Variants in DZIP3 observed in about 807,000 individuals in gnomAD.
DZIP3 encodes DAZ interacting zinc finger protein 3.
A neutral mutation model predicts 162.0 loss-of-function variants in DZIP3; 118 were observed. The ratio of observed to expected loss-of-function variants is 0.73; its 90% CI spans 0.63 to 0.85. DZIP3 has a LOEUF of 0.85. Among genes scored for constraint, DZIP3 ranks in the 40% least tolerant of loss-of-function variants. The probability of loss-of-function intolerance (pLI) is 0.00; values close to 1 mark genes in which losing one functional copy is unlikely to be tolerated. For missense variants in DZIP3, 1,331 were observed against 1,407.0 expected (o/e 0.95, Z 0.86); for synonymous variants, 438 against 458.6 (o/e 0.96, Z 0.57).
chr3:108,611,972 A>AG (rs547982777), intron 4 of DZIP3, among the ~76,000 whole-genome samples: 224 of 151,862 alleles, frequency 1.5e-3, no homozygotes, highest in African/African-American at 5.1e-3. Context: ...TCAAAAAAAA[A>AG]AAAAGTTGAC....
intron 26 of DZIP3, among the ~76,000 whole-genome samples, chr3:108,682,913 G>A (rs1408376183): frequency 1.3e-5 from 2 of 150,656 alleles, no homozygotes; most frequent in African/African-American, 5.0e-5. Context: ...TAAAAATAAA[G>A]TGTTAGGTAA....
chr3:108,622,950 G>A (rs1432619687), intron 5 of DZIP3, among the ~76,000 whole-genome samples: 1 of 149,238 alleles, frequency 6.7e-6, no homozygotes, highest in East Asian at 2.0e-4. Flanking sequence ...TTGTGGCCAC[G>A]ACCACTGAGA....
chr3:108,656,064 G>A (rs1173054446), intron 19 of DZIP3, among the ~76,000 whole-genome samples: 1 of 152,192 alleles, frequency 6.6e-6, no homozygotes, highest in Admixed American at 6.5e-5. Context: ...CTCCACCTCT[G>A]GGGGCAGGGC....
chr3:108,603,301 A>G (rs1472508689), intron 1 of DZIP3: 4 of 152,226 alleles, frequency 2.6e-5, no homozygotes, highest in Non-Finnish European at 4.4e-5. Context: ...TAGAAACCAT[A>G]AAAGTAGTTT....
intron 15 of DZIP3, among the ~76,000 whole-genome samples, chr3:108,647,181 A>C (rs1474371041): frequency 3.3e-5 from 5 of 152,184 alleles, no homozygotes; most frequent in Non-Finnish European, 1.5e-5. Context: ...TTACTCACAA[A>C]AACTTCAGCA....
At chr3:108,637,702 C>CT (rs1380537663) in intron 12 of DZIP3, among the ~76,000 whole-genome samples, 154 bp downstream of exon 12, 10 of 152,166 alleles carry the variant, frequency 6.6e-5, no homozygotes, top group Non-Finnish European at 1.3e-4. Flanking sequence ...CTTTCCCTCT[C>CT]TATCACCACT....
intron 26 of DZIP3, among the ~76,000 whole-genome samples, chr3:108,679,451 C>G (rs1576463713): frequency 2.0e-5 from 3 of 152,156 alleles, no homozygotes; most frequent in Admixed American, 2.0e-4. Context: ...TATAAGCATC[C>G]TTTGCTAACA....
In DZIP3 at chr3:108,661,925, A is replaced by G. The variant is rs1208580751; in HGVS notation, c.2248A>G (p.Arg750Gly). Residue 750 changes from arginine (R) to glycine (G), a missense_variant, in exon 20 of 33, where the codon AGG becomes GGG. By Grantham distance (125) the Arg-to-Gly change is moderately radical. This residue lies in a region of DZIP3 where 1,278 missense variants were observed against 1,317.1 expected (regional missense o/e 0.97). Coordinates refer to ENST00000361582, the MANE Select transcript of DZIP3 (RefSeq NM_014648.4). ...AGACTATGGAGAAACTGAAAAGGAA[A>G]GGCTTGCTCGTCAAAGGCAGCTTTA... ...TTDYGETEKE[R>G]LARQRQLYKL... The G allele has an allele frequency of 1.2e-6, 2 of 1,614,056 alleles. No homozygotes were observed. Among genetic ancestry groups the G allele is most frequent in the Non-Finnish European group, 1.7e-6 (2 of 1,179,958 alleles).
At position 108,677,481 on chromosome 3, in the gene DZIP3, A is replaced by G; in HGVS notation, c.2782-16A>G. ...GTTGGTTGTTCTCTAAAGTATTTTTAGTCTTCTTCTACCAGACACAGTACA... is the reference window on the plus strand; with the variant it reads ...GTTGGTTGTTCTCTAAAGTATTTTTGGTCTTCTTCTACCAGACACAGTACA... On this transcript the variant is annotated splice_polypyrimidine_tract_variant and intron_variant, in intron 25 of 32. Coordinates refer to ENST00000361582, the MANE Select transcript of DZIP3 (RefSeq NM_014648.4). The G allele has an allele frequency of 6.2e-7, 1 of 1,606,832 alleles. No homozygotes were observed. The highest frequency in any genetic ancestry group is 8.5e-7 in the Non-Finnish European group (1 of 1,174,214).
chr3:108,655,168 C>A (rs1012912608), intron 19 of DZIP3, among the ~76,000 whole-genome samples: 1 of 152,174 alleles, frequency 6.6e-6, no homozygotes, highest in African/African-American at 2.4e-5. Flanking sequence ...TAAAATGACA[C>A]ATACCTTTAA....
At chr3:108,670,373 T>C (rs1453548976) in intron 22 of DZIP3, among the ~76,000 whole-genome samples, 2 of 151,938 alleles carry the variant, frequency 1.3e-5, no homozygotes, top group African/African-American at 4.8e-5. Flanking sequence ...GGACATTTCA[T>C]ATAAATTGGA....
At chr3:108,626,220 C>T (rs1559737461) in intron 7 of DZIP3, among the ~76,000 whole-genome samples, 1 of 152,150 alleles carries the variant, frequency 6.6e-6, no homozygotes, top group African/African-American at 2.4e-5. Context: ...GTCTGATAGA[C>T]CCGGGTTCAG....
chr3:108,682,050 A>C (rs1320770393), intron 26 of DZIP3, among the ~76,000 whole-genome samples: 1 of 150,664 alleles, frequency 6.6e-6, no homozygotes, highest in Non-Finnish European at 1.5e-5. Flanking sequence ...TACATTCTGT[A>C]CATGTATCCC....
intron 26 of DZIP3, among the ~76,000 whole-genome samples, chr3:108,681,710 GA>G (rs2107399199): frequency 6.6e-6 from 1 of 152,136 alleles, no homozygotes; most frequent in East Asian, 1.9e-4. Flanking sequence ...ACTGGATAAA[GA>G]AAATGTGGCA....
At chr3:108,637,436 C>T in intron 11 of DZIP3, 60 bp from the exon 12 acceptor site, 1 of 1,429,304 alleles carries the variant, frequency 7.0e-7, no homozygotes, top group Non-Finnish European at 9.8e-7. Flanking sequence ...TAAGAAATAA[C>T]ATTAAACATT....
intron 15 of DZIP3, 39 bp from the exon 16 acceptor site, chr3:108,647,904 T>C: frequency 1.4e-6 from 2 of 1,440,214 alleles, no homozygotes; most frequent in Non-Finnish European, 1.8e-6. Context: ...CTGAAATTGC[T>C]TTCATCTAGA....
At chr3:108,608,964 T>C (rs1290434920) in intron 3 of DZIP3, among the ~76,000 whole-genome samples, 2 of 151,978 alleles carry the variant, frequency 1.3e-5, no homozygotes, top group African/African-American at 2.4e-5. Flanking sequence ...CTTAGAGTCA[T>C]GGGGGAAGGC....
At position 108,686,471 on chromosome 3, in the gene DZIP3, A is replaced by G. The variant is rs1944502616; in HGVS notation, c.3036A>G (p.Pro1012=). ...TGACTGGCATAGCCTGGGCTCTGCC[A>G]GCGCCTGTGGGAGACGCTGTGCCTC... ...PLMTGIAWAL[P]APVGDAVPPS... Residue 1012 remains proline, a synonymous_variant, in exon 28 of 33, where the codon CCA becomes CCG. Coordinates refer to ENST00000361582, the MANE Select transcript of DZIP3 (RefSeq NM_014648.4). 3.1e-6 allele frequency: 5 copies of G among 1,606,964 alleles called. No individual in the cohort carries two copies. Among genetic ancestry groups the G allele is most frequent in the African/African-American group, 1.3e-5 (1 of 74,598 alleles).
intron 2 of DZIP3, among the ~76,000 whole-genome samples, chr3:108,607,126 C>A (rs1940423748): frequency 6.6e-6 from 1 of 152,080 alleles, no homozygotes; most frequent in African/African-American, 2.4e-5. Context: ...TTTCTTTTTA[C>A]CGTGGCACCT....
Sources: allele counts gnomAD v4.1 joint callset (sites outside exome capture counted in the v4.1 genomes callset), GRCh38; gene constraint gnomAD v4.1.1; regional missense constraint gnomAD v4.1.1; transcripts MANE v1.5; gene names NCBI Gene and HGNC (gene_info 2026-07-23, HGNC 2026-07-21).